Variants in MIPOL1 observed in about 807,000 individuals in gnomAD.
MIPOL1 encodes mirror-image polydactyly 1.
In MIPOL1, 57 loss-of-function variants were observed where a neutral mutation model predicts 60.9. That is an observed-to-expected ratio of 0.94 (90% CI 0.76 to 1.17). MIPOL1 has a LOEUF of 1.17. Ranked by LOEUF, MIPOL1 falls within the 50% of genes most tolerant of loss-of-function variation. The probability of loss-of-function intolerance (pLI) is 0.00; values close to 1 mark genes in which losing one functional copy is unlikely to be tolerated. For synonymous variants in MIPOL1, 179 were observed against 168.8 expected, an observed-to-expected ratio of 1.06 and a Z score of -0.47; for missense variants, 551 against 511.6, an observed-to-expected ratio of 1.08 and a Z score of -0.74.
At chr14:37,272,340 A>G (rs1015056072) in intron 6 of MIPOL1, among the ~76,000 whole-genome samples, 4 of 151,662 alleles carry the variant, frequency 2.6e-5, no homozygotes, top group African/African-American at 9.7e-5. Flanking sequence ...TCTCATTTTA[A>G]GAAGAGACTT....
At chr14:37,423,027 A>G (rs969985605) in intron 11 of MIPOL1, 78 bp downstream of exon 11, 1 of 840,456 alleles carries the variant, frequency 1.2e-6, no homozygotes, top group Non-Finnish European at 1.9e-6. Context: ...ACAATAGTGA[A>G]TGAGGAAATA....
intron 1 of MIPOL1, among the ~76,000 whole-genome samples, chr14:37,214,691 T>C (rs183443615): frequency 6.6e-6 from 1 of 152,184 alleles, no homozygotes; most frequent in Admixed American, 6.5e-5. Context: ...TGAAGGGACA[T>C]GGTGAGAAGT....
chr14:37,239,887 A>G (rs1167919268), intron 1 of MIPOL1, among the ~76,000 whole-genome samples: 1 of 152,216 alleles, frequency 6.6e-6, no homozygotes, highest in Non-Finnish European at 1.5e-5. Context: ...CACTTCTAGT[A>G]ATTGTATTCT....
At chr14:37,243,830 T>C (rs762214744) in intron 1 of MIPOL1, among the ~76,000 whole-genome samples, 20 of 152,166 alleles carry the variant, frequency 1.3e-4, no homozygotes, top group Non-Finnish European at 2.6e-4. Context: ...CAGAATTACT[T>C]ACAATTTTTT....
intron 11 of MIPOL1, among the ~76,000 whole-genome samples, chr14:37,471,791 C>T (rs2094692675): frequency 6.6e-6 from 1 of 152,132 alleles, no homozygotes; most frequent in African/African-American, 2.4e-5. Context: ...GAAAAATTTT[C>T]ATCCACCCTC....
At chr14:37,373,714 C>T (rs1566466905) in intron 10 of MIPOL1, among the ~76,000 whole-genome samples, 1 of 152,166 alleles carries the variant, frequency 6.6e-6, no homozygotes, top group Non-Finnish European at 1.5e-5. Flanking sequence ...AGGACATAAA[C>T]TCATCCTTTT....
chr14:37,266,140 C>T (rs2082857701), intron 3 of MIPOL1, among the ~76,000 whole-genome samples: 1 of 152,114 alleles, frequency 6.6e-6, no homozygotes, highest in African/African-American at 2.4e-5. Flanking sequence ...GCTTCTGCAT[C>T]TCCTCTAAGA....
At chr14:37,486,320 T>A (rs1214989378) in intron 11 of MIPOL1, among the ~76,000 whole-genome samples, 3 of 152,216 alleles carry the variant, frequency 2.0e-5, no homozygotes, top group African/African-American at 7.2e-5. Flanking sequence ...GCAATGCAGA[T>A]CTTTTTTGGT....
intron 1 of MIPOL1, among the ~76,000 whole-genome samples, chr14:37,226,626 T>C (rs1969796528): frequency 6.6e-6 from 1 of 152,058 alleles, no homozygotes; most frequent in Admixed American, 6.6e-5. Flanking sequence ...AAGATGACTT[T>C]TGGGTGGGGA....
intron 12 of MIPOL1, among the ~76,000 whole-genome samples, chr14:37,517,551 C>T (rs1594835724): frequency 6.6e-6 from 1 of 152,128 alleles, no homozygotes; most frequent in East Asian, 1.9e-4. Context: ...ACTTCTAGGA[C>T]TCTATCCTGA....
chr14:37,349,734 A>G (rs2091213424), intron 9 of MIPOL1, among the ~76,000 whole-genome samples: 1 of 151,904 alleles, frequency 6.6e-6, no homozygotes, highest in Admixed American at 6.6e-5. Flanking sequence ...CACCTCTATC[A>G]TTCTATATAT....
At chr14:37,456,963 A>G (rs1260042041) in intron 11 of MIPOL1, among the ~76,000 whole-genome samples, 1 of 152,176 alleles carries the variant, frequency 6.6e-6, no homozygotes, top group African/African-American at 2.4e-5. Flanking sequence ...ATCCTTTTTA[A>G]TATTTGCATA....
At chr14:37,271,242 G>A (rs1386707507) in intron 6 of MIPOL1, among the ~76,000 whole-genome samples, 1 of 151,982 alleles carries the variant, frequency 6.6e-6, no homozygotes, top group Non-Finnish European at 1.5e-5. Flanking sequence ...CATTGTTTTA[G>A]TATGTTAAGG....
intron 1 of MIPOL1, among the ~76,000 whole-genome samples, chr14:37,203,788 T>A (rs1031432857): frequency 2.6e-5 from 4 of 152,032 alleles, no homozygotes; most frequent in Admixed American, 2.6e-4. Context: ...GGCATTTGTT[T>A]ATTTATTTAT....
At chr14:37,525,737 T>C (rs934419172) in intron 12 of MIPOL1, among the ~76,000 whole-genome samples, 10 of 152,154 alleles carry the variant, frequency 6.6e-5, no homozygotes, top group Non-Finnish European at 1.5e-4. Flanking sequence ...GCAACAGGAG[T>C]GCAGCAAACT....
chr14:37,314,599 T>C (rs1352483182), intron 9 of MIPOL1, among the ~76,000 whole-genome samples: 1 of 152,178 alleles, frequency 6.6e-6, no homozygotes. Flanking sequence ...TTAAATATCA[T>C]CTCTTCTGTA....
At chr14:37,250,872 T>C (rs1399105532) in intron 3 of MIPOL1, among the ~76,000 whole-genome samples, 1 of 152,164 alleles carries the variant, frequency 6.6e-6, no homozygotes, top group Non-Finnish European at 1.5e-5. Flanking sequence ...ACCATTTTTT[T>C]CCTAGCTTTA....
At chr14:37,505,012 A>G (rs564563115) in intron 12 of MIPOL1, 1 of 152,328 alleles carries the variant, frequency 6.6e-6, no homozygotes, top group South Asian at 2.1e-4. Flanking sequence ...GAAGAAATGG[A>G]TAAATTCCTG....
chr14:37,355,062 GT>G (rs2091699962), intron 9 of MIPOL1, among the ~76,000 whole-genome samples: 2 of 147,668 alleles, frequency 1.4e-5, no homozygotes, highest in Non-Finnish European at 3.0e-5. Context: ...TCCTTTCCAT[GT>G]TTAGCACTTC....
Sources: gnomAD v4.1 joint callset for allele counts (sites outside exome capture counted in the v4.1 genomes callset) on GRCh38, gnomAD v4.1.1 for gene constraint, MANE v1.5 for transcripts, NCBI Gene and HGNC (gene_info 2026-07-23, HGNC 2026-07-21) for gene names.